OR2L2: variants seen among roughly 807,000 people sequenced by gnomAD.
OR2L2 encodes the protein olfactory receptor family 2 subfamily L member 2, also known as olfactory receptor 2L2.
For missense variants in OR2L2, 378 were observed against 375.2 expected, an observed-to-expected ratio of 1.01 and a Z score of -0.06; for synonymous variants, 156 against 135.4, an observed-to-expected ratio of 1.15 and a Z score of -1.06.
Position 248,039,308 on chromosome 1 carries a change from A to T in OR2L2, c.*102A>T, listed in dbSNP as rs1662875218. The stretch of plus-strand genomic sequence containing the variant: ...TTACATGCCCAGTGTGTCAAACAGA[A>T]GTTAATCTAGAAGAAATTTGTCTTT... On this transcript the variant is annotated 3_prime_UTR_variant, in exon 3 of 3. Transcript: ENST00000641771. 9.2e-7 allele frequency: 1 copy of T among 1,088,440 alleles called. No individual in the cohort carries two copies. The highest frequency in any genetic ancestry group is 2.4e-5 in the Admixed American group (1 of 41,340). The allele number at this position is 1,088,440 out of a possible 1,614,324, so 67.4% of individuals were successfully genotyped here. A position where few individuals can be genotyped will look rare whatever the true frequency, so the allele number is the denominator to read the frequency against.
At position 248,038,889 on chromosome 1, in the gene OR2L2, C is replaced by T. The variant is rs188727311; in HGVS notation, c.622C>T (p.Leu208Phe). 168 of 1,614,160 alleles carry T rather than the reference C, an allele frequency of 1.0e-4. No homozygotes were observed. Among genetic ancestry groups the T allele is most frequent in the Non-Finnish European group, 1.3e-5 (15 of 1,180,034 alleles). ...TTTGAGCAGCACCATCTTTCTTGTGCTTCCTTTCACTGGTATTGCATGTTC... is the reference window on the plus strand; with the variant it reads ...TTTGAGCAGCACCATCTTTCTTGTGTTTCCTTTCACTGGTATTGCATGTTC... ...VFLSSTIFLVLPFTGIACSYG... is the reference protein window; with the variant it reads ...VFLSSTIFLVFPFTGIACSYG... Residue 208 changes from leucine (L) to phenylalanine (F), a missense_variant, in exon 3 of 3, where the codon CTT becomes TTT. Transcript: ENST00000641771.
intron 1 of OR2L2, among the ~76,000 whole-genome samples, chr1:248,033,188 C>T: frequency 6.6e-6 from 1 of 152,140 alleles, no homozygotes; most frequent in East Asian, 1.9e-4. Context: ...CATTTTGCCA[C>T]TGACTATACT....
At position 248,032,577 on chromosome 1, in the gene OR2L2, T is replaced by C. The variant is rs189251214; in HGVS notation, c.-97+2342T>C. Among the ~76,000 whole-genome samples, 8 of 152,314 alleles carry C rather than the reference T, an allele frequency of 5.3e-5. No homozygotes were observed. The East Asian group carries it at 1.5e-3, about 29-fold the overall frequency. On this transcript the variant is annotated intron_variant, in intron 1 of 2. Coordinates refer to ENST00000641771, the MANE Select transcript of OR2L2 (RefSeq NM_001385855.1). ...TCTGTCTCTATAAATTTGACTACTCTGGGTACTTCCTGTACATAAATTCAT... is the reference window on the plus strand; with the variant it reads ...TCTGTCTCTATAAATTTGACTACTCCGGGTACTTCCTGTACATAAATTCAT...
chr1:248,038,968 A>G lies in OR2L2; in HGVS notation c.701A>G (p.Lys234Arg), dbSNP rs375517103. 19 of 1,613,914 alleles carry G rather than the reference A, an allele frequency of 1.2e-5. No homozygotes were observed. The Admixed American group carries it at 1.5e-4, about 13-fold the overall frequency. ...VYRMHSAEGR[K>R]KAYSTCSTHL... ...CGCATGCACTCTGCAGAAGGGAGGA[A>G]GAAGGCCTATTCAACCTGTAGCACC... Residue 234 changes from lysine (K) to arginine (R), a missense_variant, in exon 3 of 3, where the codon AAG (lysine) becomes AGG (arginine). By Grantham distance (26) the Lys-to-Arg change is conservative. Transcript: ENST00000641771.
At position 248,038,450 on chromosome 1, in the gene OR2L2, A is replaced by G. The variant is rs1461290167; in HGVS notation, c.183A>G (p.Leu61=). 1 of 1,613,738 alleles carries G rather than the reference A, an allele frequency of 6.2e-7. No homozygotes were observed. ...ATCTCCACACACCTATGTATTTCCT[A>G]CTTAGTCAGCTCTCCCTCATTGACC... is the stretch of plus-strand genomic sequence containing the variant. ...DIHLHTPMYF[L]LSQLSLIDLN... Residue 61 remains leucine (L), a synonymous_variant, in exon 3 of 3, where the codon CTA becomes CTG. Transcript: ENST00000641771.
rs767907507 is a variant in OR2L2, at chr1:248,042,010, T to C, written c.*2804T>C. 23 of 152,168 alleles carry C rather than the reference T, an allele frequency of 1.5e-4. No homozygotes were observed. Among genetic ancestry groups the C allele is most frequent in the Non-Finnish European group, 2.9e-4 (20 of 68,038 alleles). 9.4% of individuals were successfully genotyped at this position (152,168 alleles called of 1,614,324 possible). A position where few individuals can be genotyped will look rare whatever the true frequency, so the allele number is the denominator to read the frequency against. ...CCCAACCATCCCATTACTGGGTATA[T>C]AACCAAAGGACTATAAATCATGCTG... On this transcript the variant is annotated 3_prime_UTR_variant, in exon 3 of 3. Transcript: ENST00000641771.
At position 248,040,900 on chromosome 1, in the gene OR2L2, A is replaced by T. The variant is rs991461367; in HGVS notation, c.*1694A>T. On this transcript the variant is annotated 3_prime_UTR_variant, in exon 3 of 3. Coordinates refer to ENST00000641771, the MANE Select transcript of OR2L2 (RefSeq NM_001385855.1). ...ATTAACATTTGAATAGGAGATACAAATATGGATCTGGATATACTCATTTCA... is the reference window on the plus strand; with the variant it reads ...ATTAACATTTGAATAGGAGATACAATTATGGATCTGGATATACTCATTTCA... 4 of 152,314 alleles carry T rather than the reference A, an allele frequency of 2.6e-5. No homozygotes were observed. The highest frequency in any genetic ancestry group is 9.6e-5 in the African/African-American group (4 of 41,582). 9.4% of individuals were successfully genotyped at this position (152,314 alleles called of 1,614,324 possible).
rs1662964764 is a variant in OR2L2, at chr1:248,042,079, A to C, written c.*2873A>C. 6.6e-6 allele frequency: 1 copy of C among 152,100 alleles called. No individual in the cohort carries two copies. The highest frequency in any genetic ancestry group is 6.5e-5 in the Admixed American group (1 of 15,274). The allele number at this position is 152,100 out of a possible 1,614,324, so 9.4% of individuals were successfully genotyped here. ...ACCTATGTTTATTGCGGCACTATTC[A>C]CAATAGCAAAGACTTGGAACCAACC... On this transcript the variant is annotated 3_prime_UTR_variant, in exon 3 of 3. Transcript: ENST00000641771.
Position 248,039,784 on chromosome 1 carries a change from C to A in OR2L2, c.*578C>A, listed in dbSNP as rs975255649. On this transcript the variant is annotated 3_prime_UTR_variant, in exon 3 of 3. Transcript: ENST00000641771. Reference sequence around the variant, plus strand: ...AACAAATTAGTTAAAATTACTGAATCTAATTGAATATTAAATAGTTTTTAT... The same window carrying A: ...AACAAATTAGTTAAAATTACTGAATATAATTGAATATTAAATAGTTTTTAT... 5 of 152,156 alleles carry A rather than the reference C, an allele frequency of 3.3e-5. No individual in the cohort carries two copies. Among genetic ancestry groups the A allele is most frequent in the African/African-American group, 1.2e-4 (5 of 41,424 alleles). 9.4% of individuals were successfully genotyped at this position (152,156 alleles called of 1,614,324 possible).
rs998140663 is a variant in OR2L2, at chr1:248,041,849, G to C, written c.*2643G>C. 6 of 152,176 alleles carry C rather than the reference G, an allele frequency of 3.9e-5. No homozygotes were observed. The highest frequency in any genetic ancestry group is 7.2e-5 in the African/African-American group (3 of 41,438). 9.4% of individuals were successfully genotyped at this position (152,176 alleles called of 1,614,324 possible). On this transcript the variant is annotated 3_prime_UTR_variant, in exon 3 of 3. Coordinates refer to ENST00000641771, the MANE Select transcript of OR2L2 (RefSeq NM_001385855.1). Reference sequence around the variant, plus strand: ...CAGTTAGAATGGCAATCATTAAAACGTCAGGAAACAACAGGTGCTGGAGAG... The same window carrying C: ...CAGTTAGAATGGCAATCATTAAAACCTCAGGAAACAACAGGTGCTGGAGAG...
At position 248,038,859 on chromosome 1, in the gene OR2L2, G is replaced by A. The variant is rs755531702; in HGVS notation, c.592G>A (p.Val198Met). ...AGACACTTGGGTCTATGAGAGCACAGTGTTTTTGAGCAGCACCATCTTTCT... is the reference window on the plus strand; with the variant it reads ...AGACACTTGGGTCTATGAGAGCACAATGTTTTTGAGCAGCACCATCTTTCT... ...CTDTWVYEST[V>M]FLSSTIFLVL... Residue 198 changes from valine to methionine, a missense_variant, in exon 3 of 3, where the codon GTG (valine) becomes ATG (methionine). Transcript: ENST00000641771. 6 of 1,614,056 alleles carry A rather than the reference G, an allele frequency of 3.7e-6. No individual in the cohort carries two copies. The highest frequency in any genetic ancestry group is 3.3e-5 in the South Asian group (3 of 91,088).
chr1:248,031,485 G>T (rs929128423), intron 1 of OR2L2, among the ~76,000 whole-genome samples: 1 of 152,206 alleles, frequency 6.6e-6, no homozygotes, highest in African/African-American at 2.4e-5. Flanking sequence ...CCCTTCTGGG[G>T]CAGTAGGCAG....
At position 248,038,802 on chromosome 1, in the gene OR2L2, G is replaced by T; in HGVS notation, c.535G>T (p.Asp179Tyr). Residue 179 changes from aspartate to tyrosine, a missense_variant, in exon 3 of 3, where the codon GAT (aspartate) becomes TAT (tyrosine). Coordinates refer to ENST00000641771, the MANE Select transcript of OR2L2 (RefSeq NM_001385855.1). ...KSRAINHFFCDVPAMLTLACT... is the reference protein window; with the variant it reads ...KSRAINHFFCYVPAMLTLACT... Reference sequence around the variant, plus strand: ...CAGAGCCATCAATCATTTTTTCTGTGATGTTCCAGCTATGTTGACGCTAGC... The same window carrying T: ...CAGAGCCATCAATCATTTTTTCTGTTATGTTCCAGCTATGTTGACGCTAGC... The T allele has an allele frequency of 6.2e-7, 1 of 1,614,106 alleles. No homozygotes were observed. Among genetic ancestry groups the T allele is most frequent in the Non-Finnish European group, 8.5e-7 (1 of 1,180,006 alleles).
intron 1 of OR2L2, among the ~76,000 whole-genome samples, chr1:248,032,904 T>C (rs1412662555): frequency 6.6e-6 from 1 of 152,184 alleles, no homozygotes; most frequent in African/African-American, 2.4e-5. Flanking sequence ...TGTTTAATTT[T>C]TGAAGAAATT....
rs1165262316 is a variant in OR2L2, at chr1:248,038,952, T to G, written c.685T>G (p.Ser229Ala). ...TCTCCTTGCTGTCTACCGCATGCAC[T>G]CTGCAGAAGGGAGGAAGAAGGCCTA... ...RVLLAVYRMH[S>A]AEGRKKAYST... is the part of the protein sequence containing the mutation. Residue 229 changes from serine (S) to alanine (A), a missense_variant, in exon 3 of 3, where the codon TCT becomes GCT. Coordinates refer to ENST00000641771, the MANE Select transcript of OR2L2 (RefSeq NM_001385855.1). The G allele has an allele frequency of 5.6e-6, 9 of 1,614,158 alleles. No homozygotes were observed. The highest frequency in any genetic ancestry group is 7.6e-6 in the Non-Finnish European group (9 of 1,180,022).
chr1:248,039,465 G>A lies in OR2L2; in HGVS notation c.*259G>A, dbSNP rs1436422197. ...AATGGATTTTGGCTCTTGTTGCCCA[G>A]GCTCTAATGCAATGGCGCAATCTCA... On this transcript the variant is annotated 3_prime_UTR_variant, in exon 3 of 3. Coordinates refer to ENST00000641771, the MANE Select transcript of OR2L2 (RefSeq NM_001385855.1). 7.1e-6 allele frequency: 2 copies of A among 280,582 alleles called. No homozygotes were observed. Among genetic ancestry groups the A allele is most frequent in the African/African-American group, 4.5e-5 (2 of 44,800 alleles). The allele number at this position is 280,582 out of a possible 1,614,324, so 17.4% of individuals were successfully genotyped here.
rs1197082112 is a variant in OR2L2, at chr1:248,039,714, A to G, written c.*508A>G. The G allele has an allele frequency of 1.3e-5, 2 of 152,238 alleles. No homozygotes were observed. The highest frequency in any genetic ancestry group is 2.9e-5 in the Non-Finnish European group (2 of 68,078). 9.4% of individuals were successfully genotyped at this position (152,238 alleles called of 1,614,324 possible). A position where few individuals can be genotyped will look rare whatever the true frequency, so the allele number is the denominator to read the frequency against. On this transcript the variant is annotated 3_prime_UTR_variant, in exon 3 of 3. Transcript: ENST00000641771. ...TCATATCATTCAGCATAATAATTAC[A>G]TAATAGTTGTTTATCTCCCATTATT...
chr1:248,036,304 G>A (rs1280734830), intron 2 of OR2L2, among the ~76,000 whole-genome samples: 3 of 151,278 alleles, frequency 2.0e-5, no homozygotes, highest in Admixed American at 6.6e-5. Context: ...CATTTAATGC[G>A]GTATCAATTA....
rs993657229 is a variant in OR2L2 at position 248,032,279 on chromosome 1, A to G, written c.-97+2044A>G. ...CATCCAAATATGGAATAATTTCAGT[A>G]TATTTAAATGTTTTTATTATTTTTT... On this transcript the variant is annotated intron_variant, in intron 1 of 2. Transcript: ENST00000641771. 3.9e-5 allele frequency among the ~76,000 whole-genome samples: 6 copies of G among 152,266 alleles called. No homozygotes were observed. The East Asian group carries it at 9.6e-4, about 24-fold the overall frequency.
Sources: gnomAD v4.1 joint callset for allele counts (sites outside exome capture counted in the v4.1 genomes callset) on GRCh38, gnomAD v4.1.1 for gene constraint, MANE v1.5 for transcripts, NCBI Gene and HGNC (gene_info 2026-07-23, HGNC 2026-07-21) for gene names.